The following GSTO2 variants were observed in gnomAD, a reference collection of about 807,000 sequenced individuals.
GSTO2 encodes the protein glutathione S-transferase omega-2.
A neutral mutation model predicts 28.4 loss-of-function variants in GSTO2; 23 were observed. The ratio of observed to expected loss-of-function variants is 0.81; its 90% confidence interval spans 0.58 to 1.15. GSTO2 has a LOEUF of 1.15. GSTO2 is among the 50% of genes most tolerant of loss of function. The pLI is 0.00. For missense variants in GSTO2, 298 were observed against 297.8 expected, an observed-to-expected ratio of 1.00 and a Z score of 0.00; for synonymous variants, 109 against 111.0, an observed-to-expected ratio of 0.98 and a Z score of 0.11.
Position 104,303,585 on chromosome 10 carries a change from T to C in GSTO2, c.*4301T>C, listed in dbSNP as rs2013322126. The C allele has an allele frequency of 6.6e-6, 1 of 152,182 alleles. No homozygotes were observed. Among genetic ancestry groups the C allele is most frequent in the South Asian group, 2.1e-4 (1 of 4,830 alleles). 9.4% of individuals were successfully genotyped at this position (152,182 alleles called of 1,614,324 possible). A position where few individuals can be genotyped will look rare whatever the true frequency, so the allele number is the denominator to read the frequency against. ...TTATATTTACAGGGGAAGCAGAGCGTAAAAGTTTGGAGAATTTGCAGCCAG... is the reference window on the plus strand; with the variant it reads ...TTATATTTACAGGGGAAGCAGAGCGCAAAAGTTTGGAGAATTTGCAGCCAG... On this transcript the variant is annotated 3_prime_UTR_variant, in exon 7 of 7. Transcript: ENST00000338595.
intron 5 of GSTO2, among the ~76,000 whole-genome samples, chr10:104,288,684 G>A (rs540072648): frequency 6.6e-6 from 1 of 152,310 alleles, no homozygotes; most frequent in Admixed American, 6.5e-5. Flanking sequence ...TCCTGGTCTT[G>A]CAAAATTTGT....
chr10:104,294,757 T>C (rs368609399), intron 5 of GSTO2, among the ~76,000 whole-genome samples: 1 of 152,224 alleles, frequency 6.6e-6, no homozygotes, highest in South Asian at 2.1e-4. Context: ...AGTACCTTGA[T>C]AAGGCTTGGG....
chr10:104,287,905 T>G (rs1050612198), intron 5 of GSTO2, among the ~76,000 whole-genome samples: 7 of 149,512 alleles, frequency 4.7e-5, no homozygotes, highest in Non-Finnish European at 7.4e-5. Flanking sequence ...TTTTTTTTTT[T>G]GGGACGGAGT....
At chr10:104,279,628 AC>A (rs2011896914) in intron 5 of GSTO2, among the ~76,000 whole-genome samples, 157 bp downstream of exon 5, 1 of 152,116 alleles carries the variant, frequency 6.6e-6, no homozygotes, top group Admixed American at 6.6e-5. Flanking sequence ...CCCTCCTCTA[AC>A]CTGGTCTAGA....
Position 104,278,135 on chromosome 10 carries a change from G to A in GSTO2, c.366+19G>A. 3 of 1,588,266 alleles carry A rather than the reference G, an allele frequency of 1.9e-6. No homozygotes were observed. Among genetic ancestry groups the A allele is most frequent in the Non-Finnish European group, 2.6e-6 (3 of 1,158,304 alleles). ...TTGTAAGGTATATTCAATTTAAAAA[G>A]TCACTCACACTGTATTTTACTTTGC... On this transcript the variant is annotated intron_variant, in intron 4 of 6. Transcript: ENST00000338595.
At chr10:104,288,303 G>A (rs2012568414) in intron 5 of GSTO2, 1 of 152,170 alleles carries the variant, frequency 6.6e-6, no homozygotes, top group African/African-American at 2.4e-5. Flanking sequence ...TGTTTTGAAT[G>A]GTGCTGCAGG....
At chr10:104,295,182 A>G (rs1016505038) in intron 5 of GSTO2, 5 of 152,204 alleles carry the variant, frequency 3.3e-5, no homozygotes, top group African/African-American at 1.2e-4. Flanking sequence ...TAAAAATGGA[A>G]TGATTTGTTC....
Position 104,303,167 on chromosome 10 carries a change from C to T in GSTO2, c.*3883C>T, listed in dbSNP as rs1480977939. On this transcript the variant is annotated 3_prime_UTR_variant, in exon 7 of 7. Transcript: ENST00000338595. ...TACCCTCCACATGTCCATGTGTTCT[C>T]ATGATTTAGCTCCCACTTATAAGTG... 6.6e-6 allele frequency: 1 copy of T among 152,196 alleles called. No individual in the cohort carries two copies. The highest frequency in any genetic ancestry group is 1.5e-5 in the Non-Finnish European group (1 of 68,032). The allele number at this position is 152,196 out of a possible 1,614,324, so 9.4% of individuals were successfully genotyped here.
Position 104,300,932 on chromosome 10 carries a change from C to T in GSTO2, c.*1648C>T, listed in dbSNP as rs2013239979. ...ATGTAAATAGTTACCAGGTGTTACTCTGTGCCAGCTGGACAGAAACAAGCC... is the reference window on the plus strand; with the variant it reads ...ATGTAAATAGTTACCAGGTGTTACTTTGTGCCAGCTGGACAGAAACAAGCC... On this transcript the variant is annotated 3_prime_UTR_variant, in exon 7 of 7. Transcript: ENST00000338595. 6.6e-6 allele frequency: 1 copy of T among 152,406 alleles called. No homozygotes were observed. Among genetic ancestry groups the T allele is most frequent in the Non-Finnish European group, 1.5e-5 (1 of 68,092 alleles). 9.4% of individuals were successfully genotyped at this position (152,406 alleles called of 1,614,324 possible). A position where few individuals can be genotyped will look rare whatever the true frequency, so the allele number is the denominator to read the frequency against.
chr10:104,282,809 C>T (rs2012155339), intron 5 of GSTO2, among the ~76,000 whole-genome samples: 1 of 152,114 alleles, frequency 6.6e-6, no homozygotes, highest in Non-Finnish European at 1.5e-5. Flanking sequence ...TGAGGGAAGA[C>T]ACATTTTGTC....
chr10:104,272,151 C>T (rs2011434748), intron 1 of GSTO2, among the ~76,000 whole-genome samples: 1 of 152,116 alleles, frequency 6.6e-6, no homozygotes, highest in African/African-American at 2.4e-5. Flanking sequence ...AGAGACTGTG[C>T]ATGTGCGGGG....
intron 5 of GSTO2, among the ~76,000 whole-genome samples, chr10:104,293,869 G>GGTTGACA (rs142398175): frequency 0.038 from 5,734 of 152,188 alleles, 392 homozygotes; most frequent in African/African-American, 0.13. Context: ...AATGACACAG[G>GGTTGACA]GTTGACACTA....
chr10:104,281,194 A>G (rs2012016696), intron 5 of GSTO2, among the ~76,000 whole-genome samples: 1 of 152,200 alleles, frequency 6.6e-6, no homozygotes, highest in Non-Finnish European at 1.5e-5. Flanking sequence ...TGCTTTACTT[A>G]GGTCAGCACT....
chr10:104,298,976 G>T (rs2013167038), intron 6 of GSTO2, 152 bp from the exon 7 acceptor site: 1 of 648,116 alleles, frequency 1.5e-6, no homozygotes, highest in African/African-American at 1.9e-5. Context: ...TTTTCCTCCA[G>T]TAAGTTATCA....
Position 104,298,350 on chromosome 10 carries a change from C to T in GSTO2, c.575+666C>T, listed in dbSNP as rs141121541. ...TGGACATTTCTGGCACTTGGAAATC[C>T]GGCCCTGCTGAAGCAGAACTGTGTC... On this transcript the variant is annotated intron_variant, in intron 6 of 6. Transcript: ENST00000338595. Among the ~76,000 whole-genome samples the T allele has an allele frequency of 1.7e-3, 257 of 152,324 alleles. 2 individuals are homozygous for T. Among genetic ancestry groups the T allele is most frequent in the African/African-American group, 5.9e-3 (244 of 41,574 alleles).
At position 104,303,087 on chromosome 10, in the gene GSTO2, T is replaced by G. The variant is rs2013306564; in HGVS notation, c.*3803T>G. 1 of 152,248 alleles carries G rather than the reference T, an allele frequency of 6.6e-6. No individual in the cohort carries two copies. Among genetic ancestry groups the G allele is most frequent in the African/African-American group, 2.4e-5 (1 of 41,462 alleles). 9.4% of individuals were successfully genotyped at this position (152,248 alleles called of 1,614,324 possible). A position where few individuals can be genotyped will look rare whatever the true frequency, so the allele number is the denominator to read the frequency against. The stretch of plus-strand genomic sequence containing the variant: ...TCTAGTATCCATTAGTTATTTTTCC[T>G]GATCCTCTCCCTCCTCCCACCCTGC... On this transcript the variant is annotated 3_prime_UTR_variant, in exon 7 of 7. Coordinates refer to ENST00000338595, the MANE Select transcript of GSTO2 (RefSeq NM_183239.2).
chr10:104,298,290 TCCAC>T, intron 6 of GSTO2, among the ~76,000 whole-genome samples: 1 of 152,302 alleles, frequency 6.6e-6, no homozygotes, highest in African/African-American at 2.4e-5. Flanking sequence ...TGTGCGGACG[TCCAC>T]CCTAATCCAA....
chr10:104,274,575 T>G, intron 1 of GSTO2, 110 bp from the exon 2 acceptor site: 1 of 415,532 alleles, frequency 2.4e-6, no homozygotes, highest in Non-Finnish European at 4.3e-6. Flanking sequence ...TAAATGCCCA[T>G]TCTTGAGGGA....
chr10:104,288,361 T>C (rs554389263), intron 5 of GSTO2: 1 of 152,308 alleles, frequency 6.6e-6, no homozygotes, highest in South Asian at 2.1e-4. Flanking sequence ...TTTTAGAATA[T>C]GTTCTTAAGC....
Sources: allele counts gnomAD v4.1 joint callset (sites outside exome capture counted in the v4.1 genomes callset), GRCh38; gene constraint gnomAD v4.1.1; transcripts MANE v1.5; gene names NCBI Gene and HGNC (gene_info 2026-07-23, HGNC 2026-07-21).